PRKN: variants seen among roughly 807,000 people sequenced by gnomAD.
PRKN encodes the protein E3 ubiquitin-protein ligase parkin.
A neutral mutation model predicts 59.5 loss-of-function variants in PRKN; 56 were observed. The ratio of observed to expected loss-of-function variants is 0.94; its 90% CI spans 0.76 to 1.18. The LOEUF (loss-of-function observed/expected upper bound fraction) is 1.18, where lower values mean the gene tolerates loss of function less well. Among genes scored for constraint, PRKN ranks in the 50% most tolerant of loss-of-function variants. The probability of loss-of-function intolerance (pLI) is 0.00; values close to 1 mark genes in which losing one functional copy is unlikely to be tolerated. For synonymous variants in PRKN, 250 were observed against 222.1 expected, an observed-to-expected ratio of 1.13 and a Z score of -1.12; for missense variants, 657 against 596.4, an observed-to-expected ratio of 1.10 and a Z score of -1.06.
chr6:162,029,131 G>T (rs1206162740), intron 5 of PRKN, among the ~76,000 whole-genome samples: 1 of 152,036 alleles, frequency 6.6e-6, no homozygotes, highest in Non-Finnish European at 1.5e-5. Context: ...GTAGCTCCCA[G>T]TTCTCCCTGC....
chr6:161,565,446 C>T (rs189810872), intron 8 of PRKN, among the ~76,000 whole-genome samples: 15 of 152,184 alleles, frequency 9.9e-5, no homozygotes, highest in Admixed American at 2.6e-4. Flanking sequence ...ACGTCAAGGG[C>T]GGGACCAAGG....
rs780941423 is a variant in PRKN, at chr6:161,547,836, T to C, written c.1083+1018A>G. ...GATTATGAATCCAGAGGTATTTCTTTCCACTTAGGCACCATGGTATCTCAT... is the reference window on the plus strand; with the variant it reads ...GATTATGAATCCAGAGGTATTTCTTCCCACTTAGGCACCATGGTATCTCAT... On this transcript the variant is annotated intron_variant, in intron 9 of 11. Transcript: ENST00000366898. The surrounding 1 kb of genome is among the most constrained non-coding windows in gnomAD (Gnocchi z 4.0). Among the ~76,000 whole-genome samples, 10 of 152,200 alleles carry C rather than the reference T, an allele frequency of 6.6e-5. No homozygotes were observed. The highest frequency in any genetic ancestry group is 1.5e-4 in the Non-Finnish European group (10 of 68,040).
intron 4 of PRKN, among the ~76,000 whole-genome samples, chr6:162,191,072 A>G (rs1461365821): frequency 1.3e-5 from 2 of 152,218 alleles, no homozygotes; most frequent in Non-Finnish European, 2.9e-5. Flanking sequence ...AAAGTGATAC[A>G]AATAGGGCAT....
chr6:161,552,973 T>C lies in PRKN; in HGVS notation c.934-3970A>G, dbSNP rs1185910136. Among the ~76,000 whole-genome samples, 1 of 151,820 alleles carries C rather than the reference T, an allele frequency of 6.6e-6. No individual in the cohort carries two copies. Among genetic ancestry groups the C allele is most frequent in the Non-Finnish European group, 1.5e-5 (1 of 67,866 alleles). On this transcript the variant is annotated intron_variant, in intron 8 of 11. Transcript: ENST00000366898. This position sits in a 1 kb window ranked among gnomAD's most constrained non-coding sequence, Gnocchi z 4.9. The stretch of plus-strand genomic sequence containing the variant: ...ACCCAGCTAGCTTTTGTATTTTTAG[T>C]AGAGACGGGGTTTCACCATGTTGGC...
Position 161,410,610 on chromosome 6 carries a change from T to C in PRKN, c.1084-23733A>G, listed in dbSNP as rs1010549590. Among the ~76,000 whole-genome samples the C allele has an allele frequency of 6.6e-6, 1 of 152,030 alleles. No homozygotes were observed. Among genetic ancestry groups the C allele is most frequent in the African/African-American group, 2.4e-5 (1 of 41,358 alleles). Reference sequence around the variant, plus strand: ...GGGAAGGGCGAGCTATTTCCTCCATTCTGGTGCTCATCGTGGGCCATGCGT... The same window carrying C: ...GGGAAGGGCGAGCTATTTCCTCCATCCTGGTGCTCATCGTGGGCCATGCGT... On this transcript the variant is annotated intron_variant, in intron 9 of 11. Transcript: ENST00000366898. The surrounding 1 kb of genome is among the most constrained non-coding windows in gnomAD (Gnocchi z 5.3).
intron 1 of PRKN, among the ~76,000 whole-genome samples, chr6:162,645,735 T>C (rs1778145654): frequency 6.6e-6 from 1 of 152,174 alleles, no homozygotes; most frequent in South Asian, 2.1e-4. Context: ...GATGAGATTG[T>C]TTGATAGCCA....
intron 7 of PRKN, among the ~76,000 whole-genome samples, chr6:161,631,796 C>CG (rs1783325279): frequency 6.6e-6 from 1 of 150,520 alleles, no homozygotes; most frequent in African/African-American, 2.5e-5. Context: ...CACACACACC[C>CG]CACACACACA....
intron 6 of PRKN, among the ~76,000 whole-genome samples, chr6:161,913,052 C>T (rs1404710166): frequency 6.6e-6 from 1 of 151,612 alleles, no homozygotes; most frequent in Non-Finnish European, 1.5e-5. Context: ...GTAGCAGGCA[C>T]CTGTAATCCT....
chr6:161,425,188 T>G (rs2115036413), intron 9 of PRKN, among the ~76,000 whole-genome samples: 1 of 152,260 alleles, frequency 6.6e-6, no homozygotes, highest in Non-Finnish European at 1.5e-5. Context: ...TATAACTACT[T>G]TGACCCCACT....
chr6:161,504,757 G>A (rs1368715994), intron 9 of PRKN, among the ~76,000 whole-genome samples: 4 of 147,652 alleles, frequency 2.7e-5, no homozygotes, highest in Non-Finnish European at 5.9e-5. Context: ...TCCCACCTAT[G>A]AGTGAGAATA....
chr6:161,709,933 G>A (rs920242400), intron 7 of PRKN, among the ~76,000 whole-genome samples: 1 of 152,038 alleles, frequency 6.6e-6, no homozygotes, highest in Admixed American at 6.6e-5. Flanking sequence ...TATTAGAAAA[G>A]TTATTCCTCA....
At chr6:161,867,763 T>TTATTTATTTATC (rs1794181274) in intron 6 of PRKN, among the ~76,000 whole-genome samples, 1 of 150,610 alleles carries the variant, frequency 6.6e-6, no homozygotes, top group Non-Finnish European at 1.5e-5. Context: ...ATTTATTTAT[T>TTATTTATTTATC]TATTTATTTA....
intron 2 of PRKN, among the ~76,000 whole-genome samples, chr6:162,367,939 A>G (rs1387754287): frequency 6.6e-6 from 1 of 152,100 alleles, no homozygotes. Context: ...GTGGGTAGAA[A>G]CCACCAAGGC....
At chr6:162,653,295 TAA>T (rs1471595561) in intron 1 of PRKN, among the ~76,000 whole-genome samples, 1 of 147,898 alleles carries the variant, frequency 6.8e-6, no homozygotes, top group Admixed American at 6.9e-5. Context: ...GAAGACTGAT[TAA>T]TTCAGAATGG....
chr6:162,361,886 A>G (rs2128134101), intron 2 of PRKN, among the ~76,000 whole-genome samples: 1 of 152,298 alleles, frequency 6.6e-6, no homozygotes, highest in African/African-American at 2.4e-5. Flanking sequence ...TCTTGGAGAA[A>G]CAGCTGAAGA....
chr6:162,011,623 A>G (rs911407735), intron 5 of PRKN, among the ~76,000 whole-genome samples: 3 of 146,430 alleles, frequency 2.0e-5, no homozygotes, highest in Non-Finnish European at 4.5e-5. Flanking sequence ...ACAGATGACT[A>G]AAATAACCAT....
At chr6:161,601,300 G>C (rs1782095391) in intron 7 of PRKN, among the ~76,000 whole-genome samples, 2 of 152,124 alleles carry the variant, frequency 1.3e-5, no homozygotes, top group Admixed American at 6.5e-5. Context: ...TCTGCTGAAG[G>C]CTTCTTCCCC....
At chr6:162,235,904 AG>A (rs1219661568) in intron 3 of PRKN, among the ~76,000 whole-genome samples, 4 of 39,718 alleles carry the variant, frequency 1.0e-4, no homozygotes, top group Non-Finnish European at 1.7e-4. Context: ...AAAGAAGGAA[AG>A]GAAGGAAGGA....
chr6:161,678,216 CT>C (rs3066554), intron 7 of PRKN, among the ~76,000 whole-genome samples: 180 of 64,906 alleles, frequency 2.8e-3, no homozygotes, highest in African/African-American at 0.014. Flanking sequence ...TACTGAATCA[CT>C]TTTTTTTTTT....
Sources: gnomAD v4.1 joint callset for allele counts (sites outside exome capture counted in the v4.1 genomes callset) on GRCh38, gnomAD v4.1.1 for gene constraint, Gnocchi (gnomAD v3.1) non-coding constraint, MANE v1.5 for transcripts, NCBI Gene and HGNC (gene_info 2026-07-23, HGNC 2026-07-21) for gene names.